Variants in COL4A2 observed in about 807,000 individuals in gnomAD.
The protein encoded by COL4A2 is collagen alpha-2(IV) chain.
In COL4A2, 99 loss-of-function variants were observed where a neutral mutation model predicts 200.2. The ratio of observed to expected loss-of-function variants is 0.49; its 90% CI spans 0.42 to 0.58. The LOEUF is 0.58. COL4A2 is among the 20% of genes least tolerant of loss of function. The pLI, the probability that COL4A2 is intolerant of heterozygous loss-of-function variation, is 0.00. For missense variants in COL4A2, 1,950 were observed against 2,314.1 expected (o/e 0.84, Z 3.23); for synonymous variants, 897 against 900.6 (o/e 1.00, Z 0.07).
chr13:110,328,958 A>G (rs1374385905), intron 3 of COL4A2, among the ~76,000 whole-genome samples: 2 of 152,268 alleles, frequency 1.3e-5, no homozygotes, highest in African/African-American at 4.8e-5. Context: ...AGAACCTTCT[A>G]GTAGTCCAAA....
chr13:110,387,327 G>A lies in COL4A2; in HGVS notation c.180+29775G>A, dbSNP rs77948995. Among the ~76,000 whole-genome samples, 1,174 of 152,372 alleles carry A rather than the reference G, an allele frequency of 7.7e-3. 5 individuals are homozygous for A. The highest frequency in any genetic ancestry group is 0.012 in the Non-Finnish European group (822 of 68,048). On this transcript the variant is annotated intron_variant, in intron 4 of 47. Transcript: ENST00000360467. ...CAATCACTATTTCCAAAGGCTGGAA[G>A]GAAATAGCCTTGCCGAGGGCCAGAC...
Position 110,358,932 on chromosome 13 carries a change from A to G in COL4A2, c.180+1380A>G, listed in dbSNP as rs180827298. 2.7e-3 allele frequency among the ~76,000 whole-genome samples: 405 copies of G among 152,320 alleles called. 2 individuals are homozygous for G. The highest frequency in any genetic ancestry group is 5.6e-3 in the Admixed American group (86 of 15,308). ...CATTCATTGTTCATTATAAGTACGT[A>G]CGTGTGTTTGCATGTGTGTATATAT... On this transcript the variant is annotated intron_variant, in intron 4 of 47. Coordinates refer to ENST00000360467, the MANE Select transcript of COL4A2 (RefSeq NM_001846.4).
In COL4A2 at chr13:110,432,358, C is replaced by A; in HGVS notation, c.682C>A (p.Gln228Lys). Residue 228 changes from glutamine to lysine, a missense_variant and splice_region_variant, in exon 11 of 48, where the codon CAA becomes AAA. Coordinates refer to ENST00000360467, the MANE Select transcript of COL4A2 (RefSeq NM_001846.4). ...TGGACCCCCTGGACCAAAAGGACAGCAAGTAAGTTGGTTTTGGGGGGTGAG... is the reference window on the plus strand; with the variant it reads ...TGGACCCCCTGGACCAAAAGGACAGAAAGTAAGTTGGTTTTGGGGGGTGAG... ...PPGPPGPKGQ[Q>K]GNRGLGFYGV... The A allele has an allele frequency of 6.2e-7, 1 of 1,606,864 alleles. No homozygotes were observed. The highest frequency in any genetic ancestry group is 8.5e-7 in the Non-Finnish European group (1 of 1,176,780).
intron 4 of COL4A2, among the ~76,000 whole-genome samples, chr13:110,364,780 C>T (rs561991737): frequency 6.6e-6 from 1 of 152,182 alleles, no homozygotes; most frequent in Non-Finnish European, 1.5e-5. Context: ...CTCCCCAGAT[C>T]CTCCCTCTAC....
chr13:110,324,845 AC>A (rs1459512786), intron 3 of COL4A2, among the ~76,000 whole-genome samples: 8 of 152,216 alleles, frequency 5.3e-5, no homozygotes, highest in African/African-American at 1.9e-4. Flanking sequence ...GGACCACCCT[AC>A]GCTTGCCTGC....
chr13:110,427,537 A>G (rs1880513857), intron 6 of COL4A2, among the ~76,000 whole-genome samples: 2 of 152,242 alleles, frequency 1.3e-5, no homozygotes, highest in Non-Finnish European at 2.9e-5. Flanking sequence ...ACTCTGGAAT[A>G]TATGTTTGGT....
At chr13:110,402,914 C>T (rs1879426845) in intron 4 of COL4A2, among the ~76,000 whole-genome samples, 1 of 152,246 alleles carries the variant, frequency 6.6e-6, no homozygotes, top group Non-Finnish European at 1.5e-5. Flanking sequence ...AGGCTTCCTG[C>T]TTGTGTCCTC....
At chr13:110,460,141 C>T (rs1243932028) in intron 22 of COL4A2, among the ~76,000 whole-genome samples, 2 of 152,150 alleles carry the variant, frequency 1.3e-5, no homozygotes, top group Non-Finnish European at 2.9e-5. Context: ...AGAGGAAAAA[C>T]AGTTGGTCAG....
chr13:110,505,325 G>C (rs971438133), intron 45 of COL4A2, among the ~76,000 whole-genome samples: 3 of 152,132 alleles, frequency 2.0e-5, no homozygotes, highest in African/African-American at 7.2e-5. Context: ...ACTCCAGCCT[G>C]GGGGACAGAG....
At chr13:110,510,802 T>C (rs1219375774) in intron 47 of COL4A2, among the ~76,000 whole-genome samples, 1 of 152,204 alleles carries the variant, frequency 6.6e-6, no homozygotes, top group Admixed American at 6.5e-5. Context: ...CCCAGGTGTC[T>C]CCTTTGGGCA....
chr13:110,432,780 A>G (rs996405274), intron 11 of COL4A2, among the ~76,000 whole-genome samples: 1 of 152,250 alleles, frequency 6.6e-6, no homozygotes, highest in African/African-American at 2.4e-5. Context: ...TAGGTTCTAC[A>G]GGAGTCTAAT....
In COL4A2 at chr13:110,503,232, A is replaced by C; in HGVS notation, c.3989A>C (p.Asp1330Ala). The C allele has an allele frequency of 6.2e-7, 1 of 1,613,442 alleles. No homozygotes were observed. The highest frequency in any genetic ancestry group is 8.5e-7 in the Non-Finnish European group (1 of 1,179,818). Reference sequence around the variant, plus strand: ...CCAGGGACCAAAGGATGGGCCGGGGACTCCGGGCCCCAGGGCAGGCCTGGT... The same window carrying C: ...CCAGGGACCAAAGGATGGGCCGGGGCCTCCGGGCCCCAGGGCAGGCCTGGT... Reference protein sequence around the residue: ...GTPGTKGWAGDSGPQGRPGVF... With the variant: ...GTPGTKGWAGASGPQGRPGVF... The change falls in exon 42 of 48, where the codon GAC becomes GCC. Residue 1330 changes from aspartate to alanine, a missense_variant. Physicochemically the swap from Asp to Ala is moderately radical, Grantham distance 126. Transcript: ENST00000360467.
At chr13:110,310,612 G>A (rs7998749) in intron 3 of COL4A2, among the ~76,000 whole-genome samples, 23,382 of 152,046 alleles carry the variant, frequency 0.15, 1,876 homozygotes, top group East Asian at 0.26. Flanking sequence ...GCTGTTCCTT[G>A]TGAAATAATG....
intron 40 of COL4A2, among the ~76,000 whole-genome samples, chr13:110,498,052 C>T (rs1883522167): frequency 1.3e-5 from 2 of 152,254 alleles, no homozygotes; most frequent in South Asian, 4.1e-4. Flanking sequence ...AGGAGCCCAG[C>T]AGTAGAGTTG....
chr13:110,434,303 G>A lies in COL4A2; in HGVS notation c.685-98G>A, dbSNP rs60212072. 54,365 of 1,127,992 alleles carry A rather than the reference G, an allele frequency of 0.048. 2,257 individuals carry two copies. The highest frequency in any genetic ancestry group is 0.18 in the African/African-American group (11,394 of 63,050). The allele number at this position is 1,127,992 out of a possible 1,614,324, so 69.9% of individuals were successfully genotyped here. A position where few individuals can be genotyped will look rare whatever the true frequency, so the allele number is the denominator to read the frequency against. ...AATATAGTTGCTCAGTAAAGTTGCC[G>A]ATAAATAGGCCTTGGGTTTCTTTTT... is the stretch of plus-strand genomic sequence containing the variant. On this transcript the variant is annotated intron_variant, in intron 11 of 47. Coordinates refer to ENST00000360467, the MANE Select transcript of COL4A2 (RefSeq NM_001846.4).
intron 3 of COL4A2, among the ~76,000 whole-genome samples, chr13:110,325,585 C>G (rs1885385340): frequency 6.6e-6 from 1 of 152,202 alleles, no homozygotes; most frequent in Non-Finnish European, 1.5e-5. Context: ...GAACACTTAA[C>G]TAAGGCTGCC....
At chr13:110,365,662 G>C (rs9521720) in intron 4 of COL4A2, among the ~76,000 whole-genome samples, 60,913 of 151,876 alleles carry the variant, frequency 0.4, 12,340 homozygotes, top group Middle Eastern at 0.56. Flanking sequence ...CCACGCAATG[G>C]CCTTGGCTCT....
chr13:110,352,714 G>A (rs1265378912), intron 3 of COL4A2, among the ~76,000 whole-genome samples: 1 of 151,932 alleles, frequency 6.6e-6, no homozygotes, highest in Non-Finnish European at 1.5e-5. Flanking sequence ...AGTTCCCTGG[G>A]TGGGGAGGTT....
chr13:110,377,804 C>T (rs771083724), intron 4 of COL4A2, among the ~76,000 whole-genome samples: 4 of 152,304 alleles, frequency 2.6e-5, no homozygotes, highest in Middle Eastern at 3.4e-3. Context: ...TTATAAAATT[C>T]AGCCTAATAC....
Sources: allele counts gnomAD v4.1 joint callset (sites outside exome capture counted in the v4.1 genomes callset), GRCh38; gene constraint gnomAD v4.1.1; transcripts MANE v1.5; gene names NCBI Gene and HGNC (gene_info 2026-07-23, HGNC 2026-07-21).